Variants in UNC13C observed in about 807,000 individuals in gnomAD.
UNC13C encodes unc-13 homolog C.
In UNC13C, 174 loss-of-function variants were observed where a neutral mutation model predicts 245.4. That is an observed-to-expected ratio of 0.71 (90% CI 0.63 to 0.80). UNC13C has a LOEUF of 0.80. UNC13C is among the 30% of genes least tolerant of loss of function. UNC13C has a pLI of 0.00. For synonymous variants in UNC13C, 992 were observed against 895.1 expected (o/e 1.11, Z -1.93); for missense variants, 2,829 against 2,602.9 (o/e 1.09, Z -1.89).
rs368750301 is a variant in UNC13C, at chr15:54,116,679, T to A, written c.2984-26339T>A. ...ACGTTGTCTCTATGCATTCATCCAC[T>A]GATGGGAACTTAGGTTGATTCCACA... On this transcript the variant is annotated intron_variant, in intron 2 of 32. Coordinates refer to ENST00000260323, the MANE Select transcript of UNC13C (RefSeq NM_001080534.3). Among the ~76,000 whole-genome samples, 13 of 152,362 alleles carry A rather than the reference T, an allele frequency of 8.5e-5. 1 individual carries two copies. Among genetic ancestry groups the A allele is most frequent in the Admixed American group, 7.2e-4 (11 of 15,304 alleles).
chr15:54,157,173 A>G (rs1002153008), intron 4 of UNC13C, among the ~76,000 whole-genome samples: 4 of 152,324 alleles, frequency 2.6e-5, no homozygotes, highest in Non-Finnish European at 2.9e-5. Flanking sequence ...CATTTAGCCA[A>G]TGGGACTTGA....
At chr15:54,278,717 CCTT>C (rs2036899221) in intron 10 of UNC13C, among the ~76,000 whole-genome samples, 1 of 152,090 alleles carries the variant, frequency 6.6e-6, no homozygotes, top group African/African-American at 2.4e-5. Context: ...TAGGACACAT[CCTT>C]CTTCATCATG....
chr15:54,223,249 C>T (rs920789316), intron 4 of UNC13C, among the ~76,000 whole-genome samples: 3 of 152,052 alleles, frequency 2.0e-5, no homozygotes, highest in African/African-American at 7.2e-5. Context: ...GTCTTTAATC[C>T]ATTTTTATTT....
At chr15:54,137,917 G>C (rs139383462) in intron 2 of UNC13C, among the ~76,000 whole-genome samples, 122 of 151,878 alleles carry the variant, frequency 8.0e-4, no homozygotes, top group African/African-American at 2.7e-3. Context: ...AAAAATTTAG[G>C]TTGTTTATTT....
chr15:54,377,599 C>A (rs1208922061), intron 17 of UNC13C, among the ~76,000 whole-genome samples: 4 of 152,184 alleles, frequency 2.6e-5, no homozygotes, highest in Non-Finnish European at 5.9e-5. Context: ...TTATAAGCAA[C>A]AGAAATTTAT....
At position 54,013,413 on chromosome 15, in the gene UNC13C, G is replaced by A. The variant is rs765141078; in HGVS notation, c.510G>A (p.Glu170=). Residue 170 remains glutamate (E), a synonymous_variant, in exon 2 of 33, where the codon GAG becomes GAA. Transcript: ENST00000260323. ...CCTCTGAGGGCAGCTCTGACGGGGA[G>A]CGTACTCTACATGGCTTAAAACTGG... is the stretch of plus-strand genomic sequence containing the variant. ...LAPSEGSSDG[E]RTLHGLKLGA... is the part of the protein sequence containing the mutation. 4 of 1,613,872 alleles carry A rather than the reference G, an allele frequency of 2.5e-6. No individual in the cohort carries two copies. In the South Asian group the frequency reaches 4.4e-5, roughly 18 times the overall value.
At chr15:54,047,865 T>G (rs1383972878) in intron 2 of UNC13C, among the ~76,000 whole-genome samples, 2 of 152,120 alleles carry the variant, frequency 1.3e-5, no homozygotes, top group Admixed American at 6.5e-5. Flanking sequence ...TTATCAGCAT[T>G]CATATTTTTT....
intron 19 of UNC13C, among the ~76,000 whole-genome samples, chr15:54,465,241 G>A (rs375233972): frequency 6.6e-6 from 1 of 151,960 alleles, no homozygotes; most frequent in African/African-American, 2.4e-5. Flanking sequence ...CTTATCTTCA[G>A]TTTACCCTAA....
At chr15:54,258,135 T>C (rs1355697283) in intron 8 of UNC13C, among the ~76,000 whole-genome samples, 1 of 151,848 alleles carries the variant, frequency 6.6e-6, no homozygotes, top group Non-Finnish European at 1.5e-5. Context: ...TCCATCAGTC[T>C]CAAATGCAGG....
chr15:54,193,718 A>G (rs923639060), intron 4 of UNC13C, among the ~76,000 whole-genome samples: 6 of 152,204 alleles, frequency 3.9e-5, no homozygotes, highest in Non-Finnish European at 7.3e-5. Context: ...ATGTTAAGTG[A>G]TCTAGACTTG....
At chr15:54,182,333 C>T (rs922718043) in intron 4 of UNC13C, among the ~76,000 whole-genome samples, 2 of 152,064 alleles carry the variant, frequency 1.3e-5, no homozygotes, top group African/African-American at 4.8e-5. Context: ...TGATGAATCA[C>T]ATTTATCGAT....
At chr15:54,051,371 T>A (rs1474123747) in intron 2 of UNC13C, among the ~76,000 whole-genome samples, 1 of 152,126 alleles carries the variant, frequency 6.6e-6, no homozygotes, top group Non-Finnish European at 1.5e-5. Flanking sequence ...AAAAGTGTAC[T>A]TTTTTTATCT....
chr15:54,554,515 G>A (rs996216989), intron 28 of UNC13C, among the ~76,000 whole-genome samples: 1 of 151,994 alleles, frequency 6.6e-6, no homozygotes, highest in Non-Finnish European at 1.5e-5. Context: ...TCAGAGCTAT[G>A]TTCCCCCACG....
At chr15:54,219,407 T>C (rs2035149023) in intron 4 of UNC13C, among the ~76,000 whole-genome samples, 1 of 152,194 alleles carries the variant, frequency 6.6e-6, no homozygotes, top group Admixed American at 6.6e-5. Context: ...TGTAGAAAGC[T>C]GAAACTGGAT....
intron 30 of UNC13C, among the ~76,000 whole-genome samples, chr15:54,607,865 C>A (rs1899855337): frequency 6.6e-6 from 1 of 152,156 alleles, no homozygotes; most frequent in African/African-American, 2.4e-5. Context: ...CCACCCGTTC[C>A]CTCCCCCAAC....
At position 54,032,578 on chromosome 15, in the gene UNC13C, T is replaced by C. The variant is rs139513746; in HGVS notation, c.2983+16692T>C. 6.5e-3 allele frequency among the ~76,000 whole-genome samples: 996 copies of C among 152,314 alleles called. 12 individuals are homozygous for C. The highest frequency in any genetic ancestry group is 0.022 in the African/African-American group (935 of 41,564). On this transcript the variant is annotated intron_variant, in intron 2 of 32. Coordinates refer to ENST00000260323, the MANE Select transcript of UNC13C (RefSeq NM_001080534.3). ...GACAACAAAGGAAGATATGTATATATATTGTGACATTTCTTAGAACTCCAG... is the reference window on the plus strand; with the variant it reads ...GACAACAAAGGAAGATATGTATATACATTGTGACATTTCTTAGAACTCCAG...
chr15:54,502,742 G>T (rs1299022135), intron 22 of UNC13C, among the ~76,000 whole-genome samples: 2 of 141,238 alleles, frequency 1.4e-5, no homozygotes, highest in Non-Finnish European at 3.1e-5. Flanking sequence ...ATATATTTAG[G>T]TTAATATATT....
rs117429898 is a variant in UNC13C, at chr15:54,270,407, G to A, written c.3818+4911G>A. Among the ~76,000 whole-genome samples, 1,341 of 152,198 alleles carry A rather than the reference G, an allele frequency of 8.8e-3. 17 individuals are homozygous for A. The highest frequency in any genetic ancestry group is 0.01 in the Non-Finnish European group (714 of 68,004). On this transcript the variant is annotated intron_variant, in intron 10 of 32. Coordinates refer to ENST00000260323, the MANE Select transcript of UNC13C (RefSeq NM_001080534.3). ...GACTTTAACTTCTGAGCTTTAGCTT[G>A]TCTAATATGAAAAATAGGGATAATA...
chr15:54,442,995 A>C lies in UNC13C; in HGVS notation c.4933+27928A>C, dbSNP rs191103010. Among the ~76,000 whole-genome samples the C allele has an allele frequency of 2.2e-3, 337 of 152,170 alleles. 3 individuals carry two copies. The highest frequency in any genetic ancestry group is 7.6e-3 in the African/African-American group (315 of 41,542). On this transcript the variant is annotated intron_variant, in intron 19 of 32. Coordinates refer to ENST00000260323, the MANE Select transcript of UNC13C (RefSeq NM_001080534.3). ...TAATAATTTGAGGTTAATTGGTATT[A>C]ATTCTTCTTTATATATTTGCTAAAA...
Sources: allele counts gnomAD v4.1 joint callset (sites outside exome capture counted in the v4.1 genomes callset), GRCh38; gene constraint gnomAD v4.1.1; transcripts MANE v1.5; gene names NCBI Gene and HGNC (gene_info 2026-07-23, HGNC 2026-07-21).